PTPRB: variants seen among roughly 807,000 people sequenced by gnomAD.
The protein encoded by PTPRB is protein tyrosine phosphatase receptor type B.
Under a neutral mutation model 238.1 loss-of-function variants are expected in PTPRB, and 97 were observed. The observed-to-expected ratio is 0.41, with a 90% confidence interval of 0.35 to 0.48. The LOEUF (loss-of-function observed/expected upper bound fraction) is 0.48. PTPRB is among the 20% of genes least tolerant of loss of function. PTPRB has a pLI of 0.30. For missense variants in PTPRB, 2,292 were observed against 2,681.9 expected (o/e 0.85, Z 3.21); for synonymous variants, 970 against 995.4 (o/e 0.97, Z 0.48).
At chr12:70,567,129 C>T (rs937517716) in intron 14 of PTPRB, among the ~76,000 whole-genome samples, 1 of 152,188 alleles carries the variant, frequency 6.6e-6, no homozygotes, top group Non-Finnish European at 1.5e-5. Flanking sequence ...GACTTGACTT[C>T]AGCAGTAGTG....
intron 17 of PTPRB, 108 bp from the exon 18 acceptor site, chr12:70,559,732 A>T: frequency 9.3e-7 from 1 of 1,074,826 alleles, no homozygotes; most frequent in East Asian, 2.6e-5. Context: ...CTTTGTAGGA[A>T]GAGATAATAT....
chr12:70,626,575 C>A (rs533666504), intron 2 of PTPRB, among the ~76,000 whole-genome samples: 59 of 152,098 alleles, frequency 3.9e-4, no homozygotes, highest in African/African-American at 1.4e-3. Context: ...CTAAGCAATA[C>A]AACAACTATT....
intron 13 of PTPRB, among the ~76,000 whole-genome samples, chr12:70,570,622 A>G (rs1401685988): frequency 6.6e-6 from 1 of 152,164 alleles, no homozygotes; most frequent in Non-Finnish European, 1.5e-5. Context: ...CATTGTGAAG[A>G]CTGAACAAGA....
intron 28 of PTPRB, 80 bp from the exon 29 acceptor site, chr12:70,536,239 T>G (rs1874105122): frequency 6.8e-6 from 10 of 1,473,048 alleles, no homozygotes; most frequent in Non-Finnish European, 7.4e-6. Flanking sequence ...TCAGATTAGA[T>G]GATAGGGAGG....
chr12:70,618,919 G>A (rs373075888), intron 3 of PTPRB, among the ~76,000 whole-genome samples: 4 of 152,230 alleles, frequency 2.6e-5, no homozygotes, highest in South Asian at 2.1e-4. Flanking sequence ...GTCAAGTACC[G>A]GCCCAAGTAT....
rs968357944 is a variant in PTPRB at position 70,520,838 on chromosome 12, T to C, written c.*651A>G. 3.9e-5 allele frequency: 6 copies of C among 152,544 alleles called. No individual in the cohort carries two copies. Among genetic ancestry groups the C allele is most frequent in the African/African-American group, 1.4e-4 (6 of 41,448 alleles). 9.4% of individuals were successfully genotyped at this position (152,544 alleles called of 1,614,324 possible). A position where few individuals can be genotyped will look rare whatever the true frequency, so the allele number is the denominator to read the frequency against. ...TGGGCTTGCACTGCAAGTTACATGA[T>C]CCCTGAGCTGACCACTTTGGCTTGA... is the stretch of plus-strand genomic sequence containing the variant. On this transcript the variant is annotated 3_prime_UTR_variant, in exon 34 of 34. Coordinates refer to ENST00000334414, the MANE Select transcript of PTPRB (RefSeq NM_001109754.4).
In PTPRB at chr12:70,559,562, A is replaced by G; in HGVS notation, c.4495T>C (p.Trp1499Arg). The G allele has an allele frequency of 6.2e-7, 1 of 1,613,546 alleles. No homozygotes were observed. The highest frequency in any genetic ancestry group is 8.5e-7 in the Non-Finnish European group (1 of 1,179,472). Residue 1499 changes from tryptophan (W) to arginine (R), a missense_variant, in exon 18 of 34, where the codon TGG (tryptophan) becomes CGG (arginine). Coordinates refer to ENST00000334414, the MANE Select transcript of PTPRB (RefSeq NM_001109754.4). ...DIANTSLAIT[W>R]KGPPDWTDYN... ...TCTGTCCAGTCTGGGGGCCCTTTCC[A>G]CGTGATGGCCAAGGATGTGTTTGCA...
chr12:70,562,853 C>G lies in PTPRB; in HGVS notation c.4159G>C (p.Gly1387Arg). 3.1e-6 allele frequency: 5 copies of G among 1,613,824 alleles called. No individual in the cohort carries two copies. Among genetic ancestry groups the G allele is most frequent in the Non-Finnish European group, 4.2e-6 (5 of 1,179,782 alleles). ...TGGGTCTTGGTCTTACCTGTTCTACCAAATATGAAAGACTCATTAGACAGC... is the reference window on the plus strand; with the variant it reads ...TGGGTCTTGGTCTTACCTGTTCTACGAAATATGAAAGACTCATTAGACAGC... Reference protein sequence around the residue: ...GELSNESFIFGRTVPASVSHL... With the variant: ...GELSNESFIFRRTVPASVSHL... The change falls in exon 16 of 34, where the codon GGT becomes CGT. Residue 1387 changes from glycine (G) to arginine (R), a missense_variant. Transcript: ENST00000334414.
At position 70,555,943 on chromosome 12, in the gene PTPRB, C is replaced by A; in HGVS notation, c.4920G>T (p.Leu1640=). ...IMMLVPHKRY[L]VSIKVQSAGM... ...CGGCCGACTGCACTTTGATGGACAC[C>A]AGGTACCTCTTATGGGGCACTAGCA... The change falls in exon 19 of 34, where the codon CTG becomes CTT. Residue 1640 remains leucine, a synonymous_variant. Transcript: ENST00000334414. 1.2e-6 allele frequency: 2 copies of A among 1,613,884 alleles called. No homozygotes were observed. Among genetic ancestry groups the A allele is most frequent in the South Asian group, 2.2e-5 (2 of 91,072 alleles).
intron 32 of PTPRB, among the ~76,000 whole-genome samples, chr12:70,526,709 A>G (rs1360381112): frequency 6.6e-6 from 1 of 152,208 alleles, no homozygotes; most frequent in East Asian, 1.9e-4. Flanking sequence ...AAAAGGATCC[A>G]CCAAATTATA....
Position 70,519,758 on chromosome 12 carries a change from A to G in PTPRB, c.*1731T>C, listed in dbSNP as rs1871475650. Reference sequence around the variant, plus strand: ...GTTCCTTTTCATTTCCAGAAGATTCACTTAGTTCCTTGATACAGAATCAGA... The same window carrying G: ...GTTCCTTTTCATTTCCAGAAGATTCGCTTAGTTCCTTGATACAGAATCAGA... On this transcript the variant is annotated 3_prime_UTR_variant, in exon 34 of 34. Transcript: ENST00000334414. The G allele has an allele frequency of 6.5e-6, 1 of 153,166 alleles. No individual in the cohort carries two copies. Among genetic ancestry groups the G allele is most frequent in the Admixed American group, 6.5e-5 (1 of 15,332 alleles). The allele number at this position is 153,166 out of a possible 1,614,324, so 9.5% of individuals were successfully genotyped here. A position where few individuals can be genotyped will look rare whatever the true frequency, so the allele number is the denominator to read the frequency against.
rs1486164967 is a variant in PTPRB, at chr12:70,564,395, CCACTCGGTATG to C, written c.3905-1299_3905-1289del. Among the ~76,000 whole-genome samples the C allele has an allele frequency of 1.9e-4, 29 of 151,734 alleles. No homozygotes were observed. The South Asian group carries it at 5.0e-3, about 26-fold the overall frequency. ...GGTGTAGTGGTGCATACCTGTAGTC[CCACTCGGTATG>C]CACTCGGGAGGCTGAGGCAGGATAA... On this transcript the variant is annotated intron_variant, in intron 15 of 33. Coordinates refer to ENST00000334414, the MANE Select transcript of PTPRB (RefSeq NM_001109754.4).
intron 2 of PTPRB, among the ~76,000 whole-genome samples, chr12:70,632,054 T>C (rs1299368216): frequency 1.3e-5 from 2 of 152,138 alleles, no homozygotes; most frequent in African/African-American, 4.8e-5. Context: ...GAAATACCAT[T>C]TGACCCAGTG....
chr12:70,610,072 C>T (rs568369870), intron 3 of PTPRB, among the ~76,000 whole-genome samples: 1 of 152,100 alleles, frequency 6.6e-6, no homozygotes, highest in Non-Finnish European at 1.5e-5. Context: ...CATTCTGACC[C>T]GCGCTGCCTC....
intron 15 of PTPRB, among the ~76,000 whole-genome samples, chr12:70,566,183 T>C (rs1473229515): frequency 6.6e-6 from 1 of 152,190 alleles, no homozygotes; most frequent in Non-Finnish European, 1.5e-5. Context: ...AAGATTGTGA[T>C]AGTTTATTAT....
intron 10 of PTPRB, among the ~76,000 whole-genome samples, chr12:70,576,871 A>AGGCCTTT (rs1880839022): frequency 6.6e-6 from 1 of 152,218 alleles, no homozygotes; most frequent in South Asian, 2.1e-4. Context: ...AAATGTCCGG[A>AGGCCTTT]GGCCTTTGGG....
rs724159877 is a variant in PTPRB at position 70,560,944 on chromosome 12, A to T, written c.4169-10T>A. The T allele has an allele frequency of 3.1e-6, 5 of 1,608,680 alleles. No homozygotes were observed. The highest frequency in any genetic ancestry group is 4.3e-6 in the Non-Finnish European group (5 of 1,175,996). ...CTCACAGAGGCTGGGACTTAAACAG[A>T]AGAAAAATTGTTACTGAGAACAAAA... On this transcript the variant is annotated splice_polypyrimidine_tract_variant and intron_variant, in intron 16 of 33. Transcript: ENST00000334414. The surrounding 1 kb of genome is among the most constrained non-coding windows in gnomAD (Gnocchi z 4.2).
At chr12:70,595,286 G>T (rs1477242051) in intron 5 of PTPRB, among the ~76,000 whole-genome samples, 13 of 152,088 alleles carry the variant, frequency 8.5e-5, no homozygotes, top group South Asian at 6.3e-4. Context: ...CATCACACAC[G>T]GGGACCTGTT....
intron 3 of PTPRB, among the ~76,000 whole-genome samples, chr12:70,616,831 A>G (rs1014203924): frequency 2.6e-5 from 4 of 152,142 alleles, no homozygotes; most frequent in African/African-American, 9.7e-5. Context: ...TGTTCTGTTC[A>G]TGGTTGTATT....
Sources: gnomAD v4.1 joint callset for allele counts (sites outside exome capture counted in the v4.1 genomes callset) on GRCh38, gnomAD v4.1.1 for gene constraint, Gnocchi (gnomAD v3.1) non-coding constraint, MANE v1.5 for transcripts, NCBI Gene and HGNC (gene_info 2026-07-23, HGNC 2026-07-21) for gene names.